The following ABCG5 variants were observed in gnomAD, a reference collection of about 807,000 sequenced individuals.
ABCG5 encodes the protein ATP binding cassette subfamily G member 5.
ABCG5 carries 64 observed loss-of-function variants against 64.5 expected under a neutral mutation model. That is an observed-to-expected ratio of 0.99 (90% CI 0.81 to 1.22). The LOEUF is 1.22. ABCG5 is among the 50% of genes most tolerant of loss of function. The probability of loss-of-function intolerance (pLI) is 0.00; values close to 1 mark genes in which losing one functional copy is unlikely to be tolerated. For missense variants in ABCG5, 908 were observed against 829.5 expected (o/e 1.09, Z -1.16); for synonymous variants, 385 against 326.3 (o/e 1.18, Z -1.94).
chr2:43,824,222 AG>A lies in ABCG5; in HGVS notation c.1114del (p.Leu372Ter), dbSNP rs1185197933. On this transcript the variant is annotated frameshift_variant, in exon 8 of 13. Coordinates refer to ENST00000405322, the MANE Select transcript of ABCG5 (RefSeq NM_022436.3). LOFTEE classifies it high-confidence loss of function. The stretch of plus-strand genomic sequence containing the variant: ...CTCACATTTGTGAGCCTCTTACCTC[AG>A]GAGAACACCCAGTTTAGAGAAAACT... ...PGVFSKLGVL[L>X]RRVTRNLVRN... The A allele has an allele frequency of 6.2e-7, 1 of 1,614,242 alleles. No individual in the cohort carries two copies. The highest frequency in any genetic ancestry group is 8.5e-7 in the Non-Finnish European group (1 of 1,180,036).
In ABCG5 at chr2:43,813,127, T is replaced by A; in HGVS notation, c.1945A>T (p.Ile649Phe). Residue 649 changes from isoleucine to phenylalanine, a missense_variant, in exon 13 of 13, where the codon ATT (isoleucine) becomes TTT (phenylalanine). Physicochemically the swap from Ile to Phe is conservative, Grantham distance 21 (BLOSUM62 0). Coordinates refer to ENST00000405322, the MANE Select transcript of ABCG5 (RefSeq NM_022436.3). ...AGCCATGGCTTTCACTACCTGCTAA[T>A]GAGATGATCCCTTATTTTGAAAACA... is the stretch of plus-strand genomic sequence containing the variant. Reference protein sequence around the residue: ...IVVFKIRDHLISR With the variant: ...IVVFKIRDHLFSR 8.0e-7 allele frequency: 1 copy of A among 1,251,574 alleles called. No homozygotes were observed. The highest frequency in any genetic ancestry group is 1.2e-6 in the Non-Finnish European group (1 of 849,640). The allele number at this position is 1,251,574 out of a possible 1,614,324, so 77.5% of individuals were successfully genotyped here.
At chr2:43,817,488 C>T (rs769392284) in intron 11 of ABCG5, among the ~76,000 whole-genome samples, 20 of 150,256 alleles carry the variant, frequency 1.3e-4, no homozygotes, top group Non-Finnish European at 1.8e-4. Context: ...GACTCTGCGT[C>T]AAGAAACAAA....
intron 12 of ABCG5, 131 bp from the exon 13 acceptor site, chr2:43,813,440 A>ATTCC: frequency 1.4e-6 from 1 of 717,434 alleles, no homozygotes. Flanking sequence ...CAGAGTTTAC[A>ATTCC]ATTTGATGAA....
At chr2:43,828,243 A>T in intron 4 of ABCG5, 128 bp from the exon 5 acceptor site, 4 of 1,246,558 alleles carry the variant, frequency 3.2e-6, no homozygotes, top group Non-Finnish European at 3.4e-6. Flanking sequence ...CAGACTCACC[A>T]CACCCTGGGG....
chr2:43,838,451 C>T lies in ABCG5; in HGVS notation c.143+86G>A, dbSNP rs749637537. On this transcript the variant is annotated intron_variant, in intron 1 of 12. Transcript: ENST00000405322. This position sits in a 1 kb window ranked among gnomAD's most constrained non-coding sequence, Gnocchi z 4.2. ...GGAGCCCGAAGTGCCCAGACTGGCA[C>T]TTAAAGAGTGAAGAAAGGCAGCAGA... 53 of 1,380,606 alleles carry T rather than the reference C, an allele frequency of 3.8e-5. No individual in the cohort carries two copies. The highest frequency in any genetic ancestry group is 5.0e-5 in the Non-Finnish European group (50 of 998,888). 85.5% of individuals were successfully genotyped at this position (1,380,606 alleles called of 1,614,324 possible).
chr2:43,828,971 A>C (rs1558757982), intron 4 of ABCG5, among the ~76,000 whole-genome samples: 1 of 151,928 alleles, frequency 6.6e-6, no homozygotes, highest in Non-Finnish European at 1.5e-5. Flanking sequence ...ATTCAAAAAA[A>C]ATAATAATAA....
intron 11 of ABCG5, among the ~76,000 whole-genome samples, chr2:43,819,052 G>T (rs907684334): frequency 6.6e-6 from 1 of 152,158 alleles, no homozygotes; most frequent in African/African-American, 2.4e-5. Flanking sequence ...AAAATGGATT[G>T]CTCTGAGAGT....
chr2:43,820,042 C>A lies in ABCG5; in HGVS notation c.1522G>T (p.Ala508Ser). 1 of 1,614,124 alleles carries A rather than the reference C, an allele frequency of 6.2e-7. No homozygotes were observed. The change falls in exon 11 of 13, where the codon GCC becomes TCC. Residue 508 changes from alanine (A) to serine (S), a missense_variant. Coordinates refer to ENST00000405322, the MANE Select transcript of ABCG5 (RefSeq NM_022436.3). ...AGAAATTCACCAATTAAGTGGGGGG[C>A]CAAGAGAGCAGCAGAAAAATATCCA... ...RFGYFSAALLAPHLIGEFLTL... is the reference protein window; with the variant it reads ...RFGYFSAALLSPHLIGEFLTL...
chr2:43,816,923 T>C (rs1429989355), intron 11 of ABCG5, among the ~76,000 whole-genome samples: 1 of 152,214 alleles, frequency 6.6e-6, no homozygotes, highest in East Asian at 1.9e-4. Context: ...TGCATGATTT[T>C]GTAAGCAGAA....
intron 11 of ABCG5, among the ~76,000 whole-genome samples, chr2:43,817,300 C>A (rs778086129): frequency 1.3e-5 from 2 of 151,134 alleles, no homozygotes; most frequent in Non-Finnish European, 3.0e-5. Context: ...GCCTGACCAA[C>A]TTGGTGAAAC....
rs372595004 is a variant in ABCG5, at chr2:43,822,792, C to A, written c.1463+5G>T. 1.9e-6 allele frequency: 3 copies of A among 1,614,138 alleles called. No homozygotes were observed. Among genetic ancestry groups the A allele is most frequent in the Non-Finnish European group, 2.5e-6 (3 of 1,180,018 alleles). ...CGGCCCTGGGTGAACTGAACAACCC[C>A]TCACCAGTAGCACACACTGCTGAAA... On this transcript the variant is annotated splice_donor_5th_base_variant and intron_variant, in intron 10 of 12. Coordinates refer to ENST00000405322, the MANE Select transcript of ABCG5 (RefSeq NM_022436.3).
At chr2:43,833,751 C>G (rs1371294642) in intron 2 of ABCG5, among the ~76,000 whole-genome samples, 1 of 152,094 alleles carries the variant, frequency 6.6e-6, no homozygotes, top group Non-Finnish European at 1.5e-5. Context: ...GTGGCAAGAT[C>G]TCAGCTCACT....
the ABCG5 span, among the ~76,000 whole-genome samples, chr2:43,806,268 A>G: frequency 1.8e-4 from 28 of 152,210 alleles, no homozygotes; most frequent in Non-Finnish European, 3.8e-4. Context: ...TCCTTATATG[A>G]GTAAACTTAT....
chr2:43,836,812 A>T (rs1288789833), intron 2 of ABCG5, among the ~76,000 whole-genome samples: 2 of 152,142 alleles, frequency 1.3e-5, no homozygotes, highest in African/African-American at 2.4e-5. Context: ...TGTAATGTTT[A>T]ATTCCTTAAA....
chr2:43,813,983 T>C (rs539104019), intron 12 of ABCG5, among the ~76,000 whole-genome samples: 126 of 152,262 alleles, frequency 8.3e-4, no homozygotes, highest in Non-Finnish European at 1.4e-3. Context: ...CCCAAAGTGC[T>C]GGGATTACAG....
At chr2:43,822,161 C>T (rs779694114) in intron 10 of ABCG5, among the ~76,000 whole-genome samples, 4 of 152,328 alleles carry the variant, frequency 2.6e-5, no homozygotes, top group Non-Finnish European at 4.4e-5. Flanking sequence ...ACAGAATCTG[C>T]TTCCTCCATC....
intron 2 of ABCG5, among the ~76,000 whole-genome samples, chr2:43,837,555 G>C (rs990760430): frequency 6.6e-6 from 1 of 152,102 alleles, no homozygotes; most frequent in Non-Finnish European, 1.5e-5. Context: ...TACAGATAGG[G>C]GAAATTGTGT....
At chr2:43,809,813 A>G (rs762046678), downstream of ABCG5, 1 of 1,566,162 alleles carries the variant, frequency 6.4e-7, no homozygotes, top group Admixed American at 1.9e-5. Flanking sequence ...TCCAAATACA[A>G]ATAAGATTAT....
chr2:43,827,971 G>A lies in ABCG5; in HGVS notation c.634+12C>T, dbSNP rs2104842028. ...CAGACAGCAGCTAGTAACAGTTCTG[G>A]GTGCCACTTACTAGGATCCTGGAGC... On this transcript the variant is annotated intron_variant, in intron 5 of 12. Transcript: ENST00000405322. The A allele has an allele frequency of 6.2e-7, 1 of 1,613,764 alleles. No individual in the cohort carries two copies. The highest frequency in any genetic ancestry group is 8.5e-7 in the Non-Finnish European group (1 of 1,179,968).
Sources: gnomAD v4.1 joint callset for allele counts (sites outside exome capture counted in the v4.1 genomes callset) on GRCh38, gnomAD v4.1.1 for gene constraint, Gnocchi (gnomAD v3.1) non-coding constraint, MANE v1.5 for transcripts, NCBI Gene and HGNC (gene_info 2026-07-23, HGNC 2026-07-21) for gene names.